Variants in LARGE1 observed in about 807,000 individuals in gnomAD.
LARGE1 encodes the protein LARGE xylosyl- and glucuronyltransferase 1, also known as xylosyl- and glucuronyltransferase LARGE1.
LARGE1 carries 43 observed loss-of-function variants against 87.6 expected under a neutral mutation model. The ratio of observed to expected loss-of-function variants is 0.49; its 90% CI spans 0.38 to 0.63. LARGE1 has a LOEUF of 0.63. Among genes scored for constraint, LARGE1 ranks in the 30% least tolerant of loss-of-function variants. The pLI, the probability that LARGE1 is intolerant of heterozygous loss-of-function variation, is 0.00. For missense variants in LARGE1, 802 were observed against 1,000.2 expected, an observed-to-expected ratio of 0.80 and a Z score of 2.67; for synonymous variants, 434 against 394.6, an observed-to-expected ratio of 1.10 and a Z score of -1.18.
chr22:33,516,341 A>G (rs764074639), intron 6 of LARGE1, among the ~76,000 whole-genome samples: 11 of 152,134 alleles, frequency 7.2e-5, no homozygotes, highest in South Asian at 4.1e-4. Context: ...CCACATCCCT[A>G]TGTCTCACCA....
intron 7 of LARGE1, among the ~76,000 whole-genome samples, chr22:33,396,463 C>CAGAGAGAGAGAGAGAGAGAGAGAG (rs3071529): frequency 2.0e-4 from 21 of 104,720 alleles, no homozygotes; most frequent in African/African-American, 4.9e-4. Context: ...GAGAGAGTGA[C>CAGAGAGAGAGAGAGAGAGAGAGAG]AGAGAGAGAG....
intron 9 of LARGE1, among the ~76,000 whole-genome samples, chr22:33,338,326 C>T (rs905449124): frequency 2.6e-5 from 4 of 152,140 alleles, no homozygotes; most frequent in Non-Finnish European, 5.9e-5. Context: ...GCAGCAGCTA[C>T]ATCCATTCTG....
At chr22:33,892,161 A>T (rs902608893) in intron 1 of LARGE1, among the ~76,000 whole-genome samples, 1 of 152,118 alleles carries the variant, frequency 6.6e-6, no homozygotes, top group Non-Finnish European at 1.5e-5. Flanking sequence ...TTGCATAATA[A>T]TGCTACCTAA....
chr22:33,465,619 G>C (rs139119559), intron 6 of LARGE1, among the ~76,000 whole-genome samples: 2 of 152,198 alleles, frequency 1.3e-5, no homozygotes, highest in African/African-American at 4.8e-5. Context: ...ACCATAAGGC[G>C]TTCTTTAAGT....
At chr22:33,883,102 C>G (rs979075507) in intron 1 of LARGE1, among the ~76,000 whole-genome samples, 1 of 152,122 alleles carries the variant, frequency 6.6e-6, no homozygotes, top group African/African-American at 2.4e-5. Context: ...GTCTGTGCGG[C>G]AGGAAGCTGC....
chr22:33,230,004 C>CTTTTT (rs557120175), intron 11 of LARGE1, among the ~76,000 whole-genome samples: 6 of 81,136 alleles, frequency 7.4e-5, no homozygotes, highest in Non-Finnish European at 1.2e-4. Flanking sequence ...TTTCAAAGTT[C>CTTTTT]TTTTTTTTTT....
chr22:33,459,441 CTT>C (rs3071562), intron 6 of LARGE1, among the ~76,000 whole-genome samples: 22,060 of 128,016 alleles, frequency 0.17, 1,561 homozygotes, highest in East Asian at 0.24. Flanking sequence ...CGCTCTCTCT[CTT>C]TTTTTTTTTT....
chr22:33,459,529 G>A (rs769828107), intron 6 of LARGE1, among the ~76,000 whole-genome samples: 3 of 147,344 alleles, frequency 2.0e-5, no homozygotes, highest in African/African-American at 5.1e-5. Context: ...GAGAGTTATC[G>A]CCTCTATAGA....
At chr22:33,554,527 G>A (rs762057) in intron 6 of LARGE1, among the ~76,000 whole-genome samples, 63,361 of 151,504 alleles carry the variant, frequency 0.42, 13,595 homozygotes, top group Admixed American at 0.48. Context: ...AACCGAACTC[G>A]CCGTCCAGTG....
chr22:33,446,869 G>A (rs1396797924), intron 6 of LARGE1, among the ~76,000 whole-genome samples: 3 of 152,166 alleles, frequency 2.0e-5, no homozygotes, highest in Non-Finnish European at 4.4e-5. Flanking sequence ...GAGACTAGGT[G>A]CTGATGTGGT....
At chr22:33,725,625 G>A (rs972597376) in intron 2 of LARGE1, 2 of 152,134 alleles carry the variant, frequency 1.3e-5, no homozygotes, top group African/African-American at 2.4e-5. Flanking sequence ...GAAACAAAAC[G>A]TTCAAAGCCC....
chr22:33,418,349 T>C (rs553909628), intron 7 of LARGE1, among the ~76,000 whole-genome samples: 2 of 152,288 alleles, frequency 1.3e-5, no homozygotes, highest in South Asian at 4.1e-4. Context: ...CTGCAAAGTC[T>C]CTTTTGCCAT....
intron 2 of LARGE1, among the ~76,000 whole-genome samples, chr22:33,680,722 G>A (rs954240906): frequency 6.6e-6 from 1 of 151,886 alleles, no homozygotes; most frequent in Non-Finnish European, 1.5e-5. Flanking sequence ...TTGACTTTCA[G>A]ATGTCTCATT....
chr22:33,848,938 C>T (rs1490854661), intron 1 of LARGE1, among the ~76,000 whole-genome samples: 1 of 152,204 alleles, frequency 6.6e-6, no homozygotes, highest in Non-Finnish European at 1.5e-5. Flanking sequence ...TCTTTCTCCT[C>T]CACCCCAGCC....
intron 9 of LARGE1, among the ~76,000 whole-genome samples, chr22:33,339,957 C>A (rs370250407): frequency 6.6e-6 from 1 of 152,176 alleles, no homozygotes; most frequent in Non-Finnish European, 1.5e-5. Context: ...TGAGCTACCA[C>A]GCCTGGCCTA....
At chr22:33,817,054 G>T (rs544955840) in intron 1 of LARGE1, among the ~76,000 whole-genome samples, 1 of 152,186 alleles carries the variant, frequency 6.6e-6, no homozygotes, top group African/African-American at 2.4e-5. Flanking sequence ...GTATATATGT[G>T]TTTCTATACA....
intron 1 of LARGE1, among the ~76,000 whole-genome samples, chr22:33,827,364 G>T (rs113107842): frequency 0.056 from 8,490 of 151,636 alleles, 442 homozygotes; most frequent in African/African-American, 0.14. Context: ...AGCAAGACCC[G>T]GTCTCAAAAA....
intron 11 of LARGE1, among the ~76,000 whole-genome samples, chr22:33,308,549 C>T (rs1935202722): frequency 6.6e-6 from 1 of 152,142 alleles, no homozygotes. Context: ...GAAATAATCT[C>T]CCACATGAAT....
intron 2 of LARGE1, among the ~76,000 whole-genome samples, chr22:33,694,484 C>T (rs376021044): frequency 6.6e-6 from 1 of 152,164 alleles, no homozygotes; most frequent in East Asian, 1.9e-4. Context: ...TCATTGTGCG[C>T]CTACTAATGA....
Sources: allele counts gnomAD v4.1 joint callset (sites outside exome capture counted in the v4.1 genomes callset), GRCh38; gene constraint gnomAD v4.1.1; transcripts MANE v1.5; gene names NCBI Gene and HGNC (gene_info 2026-07-23, HGNC 2026-07-21).